ARHGAP28: variants seen among roughly 807,000 people sequenced by gnomAD.
ARHGAP28 encodes the protein Rho GTPase activating protein 28, also known as rho GTPase-activating protein 28.
Under a neutral mutation model 90.7 loss-of-function variants are expected in ARHGAP28, and 56 were observed. That is an observed-to-expected ratio of 0.62 (90% CI 0.50 to 0.77). ARHGAP28 has a LOEUF of 0.77. Ranked by LOEUF, ARHGAP28 falls within the 30% of genes least tolerant of loss-of-function variation. The probability of loss-of-function intolerance (pLI) is 0.00; values close to 1 mark genes in which losing one functional copy is unlikely to be tolerated. For missense variants in ARHGAP28, 869 were observed against 900.9 expected (o/e 0.96, Z 0.45); for synonymous variants, 308 against 323.3 (o/e 0.95, Z 0.51).
At chr18:6,885,020 C>T (rs889597544) in intron 11 of ARHGAP28, among the ~76,000 whole-genome samples, 3 of 152,134 alleles carry the variant, frequency 2.0e-5, no homozygotes, top group African/African-American at 7.2e-5. Flanking sequence ...GGTATGACTT[C>T]GTAATTTTCA....
At chr18:6,850,877 G>T in intron 3 of ARHGAP28, 157 bp from the exon 4 acceptor site, 1 of 1,535,154 alleles carries the variant, frequency 6.5e-7, no homozygotes, top group South Asian at 1.2e-5. Flanking sequence ...GAATGAATTG[G>T]TAAGTGCTGT....
At chr18:6,841,169 TCTCTCTCTCTC>T (rs1386192204) in intron 3 of ARHGAP28, among the ~76,000 whole-genome samples, 51 of 79,660 alleles carry the variant, frequency 6.4e-4, no homozygotes, top group African/African-American at 2.3e-3. Context: ...CTCTCTCTCC[TCTCTCTCTCTC>T]CTCTCTCTCT....
intron 1 of ARHGAP28, among the ~76,000 whole-genome samples, chr18:6,798,122 TG>T (rs764775496): frequency 9.2e-5 from 14 of 152,142 alleles, no homozygotes; most frequent in Non-Finnish European, 1.5e-4. Flanking sequence ...GTGGAACAAT[TG>T]GAGATTCATA....
At chr18:6,756,241 C>T (rs141167899) in intron 1 of ARHGAP28, among the ~76,000 whole-genome samples, 11 of 152,152 alleles carry the variant, frequency 7.2e-5, no homozygotes, top group East Asian at 3.9e-4. Flanking sequence ...ATTCTCAGGG[C>T]GCACTGTTCT....
intron 1 of ARHGAP28, among the ~76,000 whole-genome samples, chr18:6,768,208 C>CCATAA (rs2056214983): frequency 6.6e-6 from 1 of 152,112 alleles, no homozygotes; most frequent in Admixed American, 6.5e-5. Context: ...AATAGTTGAG[C>CCATAA]ATATTTATGA....
intron 1 of ARHGAP28, among the ~76,000 whole-genome samples, chr18:6,763,625 G>C (rs1483307387): frequency 6.6e-6 from 1 of 152,158 alleles, no homozygotes; most frequent in Non-Finnish European, 1.5e-5. Context: ...AACTCCGGGA[G>C]CACAAAGCCT....
At chr18:6,780,726 T>C (rs2056317601) in intron 1 of ARHGAP28, among the ~76,000 whole-genome samples, 1 of 151,914 alleles carries the variant, frequency 6.6e-6, no homozygotes, top group Admixed American at 6.6e-5. Flanking sequence ...CCGTCTCTAC[T>C]AAAAATACAA....
At chr18:6,796,019 T>C (rs989152268) in intron 1 of ARHGAP28, among the ~76,000 whole-genome samples, 1 of 152,222 alleles carries the variant, frequency 6.6e-6, no homozygotes, top group African/African-American at 2.4e-5. Flanking sequence ...TCTCCTGCCT[T>C]TGAGCAAAGT....
chr18:6,837,838 T>C (rs116312333), intron 3 of ARHGAP28, among the ~76,000 whole-genome samples: 4,292 of 152,204 alleles, frequency 0.028, 208 homozygotes, highest in African/African-American at 0.098. Context: ...GTAGCCTTTA[T>C]GTTCAGATAA....
intron 1 of ARHGAP28, among the ~76,000 whole-genome samples, chr18:6,794,864 A>G (rs957346115): frequency 6.6e-6 from 1 of 151,872 alleles, no homozygotes; most frequent in Non-Finnish European, 1.5e-5. Flanking sequence ...TAAATTTTTT[A>G]TAGAGACAGG....
At chr18:6,885,053 T>C (rs1175195606) in intron 11 of ARHGAP28, among the ~76,000 whole-genome samples, 1 of 152,210 alleles carries the variant, frequency 6.6e-6, no homozygotes, top group African/African-American at 2.4e-5. Context: ...GACGTTGTAA[T>C]TTTCAGAGAC....
At chr18:6,896,048 T>C (rs1160783634) in intron 15 of ARHGAP28, among the ~76,000 whole-genome samples, 2 of 152,240 alleles carry the variant, frequency 1.3e-5, no homozygotes, top group Non-Finnish European at 2.9e-5. Context: ...GAATTGAATT[T>C]GGACCAGCCA....
chr18:6,875,798 CAGAA>C (rs1600275078), intron 9 of ARHGAP28, among the ~76,000 whole-genome samples: 1 of 152,210 alleles, frequency 6.6e-6, no homozygotes, highest in East Asian at 1.9e-4. Context: ...GATCAGTCTG[CAGAA>C]AGAGTTATAG....
intron 2 of ARHGAP28, among the ~76,000 whole-genome samples, chr18:6,827,141 C>T (rs2056671515): frequency 6.6e-6 from 1 of 152,228 alleles, no homozygotes; most frequent in Non-Finnish European, 1.5e-5. Flanking sequence ...CCCACCTTTC[C>T]CCGCTTTCTA....
chr18:6,798,874 T>G (rs2056461737), intron 1 of ARHGAP28, among the ~76,000 whole-genome samples: 1 of 152,248 alleles, frequency 6.6e-6, no homozygotes, highest in Non-Finnish European at 1.5e-5. Flanking sequence ...TCTTCTGTGT[T>G]TATGCATTTA....
rs530620466 is a variant in ARHGAP28 at position 6,764,423 on chromosome 18, T to C, written c.122+34480T>C. 9.2e-5 allele frequency among the ~76,000 whole-genome samples: 14 copies of C among 152,324 alleles called. No homozygotes were observed. In the South Asian group the frequency reaches 2.9e-3, roughly 32 times the overall value. The stretch of plus-strand genomic sequence containing the variant: ...GGCATCGCCTAGGGGTCTTGGAGCA[T>C]ATCCCCTGAGGAAGAGCAGGGACCA... On this transcript the variant is annotated intron_variant, in intron 1 of 17. Transcript: ENST00000383472.
rs773004814 is a variant in ARHGAP28 at position 6,894,785 on chromosome 18, A to G, written c.1849-50A>G. The stretch of plus-strand genomic sequence containing the variant: ...GTACCAGTTTACACTTCCAAAAGCA[A>G]CATATGCTTGTTTTCTCAACATTAC... On this transcript the variant is annotated intron_variant, in intron 14 of 17. Transcript: ENST00000383472. 88 of 1,536,356 alleles carry G rather than the reference A, an allele frequency of 5.7e-5. 1 individual carries two copies. In the East Asian group the frequency reaches 2.0e-3, roughly 35 times the overall value.
chr18:6,894,956 C>G, intron 15 of ARHGAP28, 65 bp downstream of exon 15: 1 of 1,420,980 alleles, frequency 7.0e-7, no homozygotes, highest in Non-Finnish European at 9.9e-7. Context: ...GCGACATCCA[C>G]CACATTTATG....
chr18:6,744,827 G>C (rs2056008782), intron 1 of ARHGAP28, among the ~76,000 whole-genome samples: 1 of 152,110 alleles, frequency 6.6e-6, no homozygotes, highest in South Asian at 2.1e-4. Flanking sequence ...TTTAGGTAGT[G>C]TTTAAGAATG....
Sources: gnomAD v4.1 joint callset for allele counts (sites outside exome capture counted in the v4.1 genomes callset) on GRCh38, gnomAD v4.1.1 for gene constraint, MANE v1.5 for transcripts, NCBI Gene and HGNC (gene_info 2026-07-23, HGNC 2026-07-21) for gene names.